Variants in HACD4 observed in about 807,000 individuals in gnomAD.
HACD4 encodes the protein very-long-chain (3R)-3-hydroxyacyl-CoA dehydratase 4.
A neutral mutation model predicts 33.3 loss-of-function variants in HACD4; 35 were observed. The ratio of observed to expected loss-of-function variants is 1.05; its 90% CI spans 0.80 to 1.39. The LOEUF (loss-of-function observed/expected upper bound fraction) is 1.39. HACD4 is among the 40% of genes most tolerant of loss of function. The pLI is 0.00. For missense variants in HACD4, 323 were observed against 276.5 expected (o/e 1.17, Z -1.19); for synonymous variants, 118 against 98.0 (o/e 1.20, Z -1.21).
Position 21,006,660 on chromosome 9 carries a change from A to G in HACD4, c.*377T>C. The G allele has an allele frequency of 4.2e-6, 1 of 239,586 alleles. No individual in the cohort carries two copies. Among genetic ancestry groups the G allele is most frequent in the Non-Finnish European group, 8.1e-6 (1 of 123,174 alleles). The allele number at this position is 239,586 out of a possible 1,614,324, so 14.8% of individuals were successfully genotyped here. ...AGATCTATTTGGGAACTTGGAAGTGAAAAAGAATACATGTAATTTAGGTTA... is the reference window on the plus strand; with the variant it reads ...AGATCTATTTGGGAACTTGGAAGTGGAAAAGAATACATGTAATTTAGGTTA... On this transcript the variant is annotated 3_prime_UTR_variant, in exon 7 of 7. Transcript: ENST00000495827. The surrounding 1 kb of genome is among the most constrained non-coding windows in gnomAD (Gnocchi z 4.6).
intron 3 of HACD4, among the ~76,000 whole-genome samples, chr9:21,016,495 T>C (rs1842558767): frequency 6.6e-6 from 1 of 152,192 alleles, no homozygotes; most frequent in African/African-American, 2.4e-5. Flanking sequence ...ACATGCTACA[T>C]TTCATTTCAT....
chr9:21,019,164 G>GCACTGT (rs1362218904), intron 3 of HACD4, among the ~76,000 whole-genome samples: 3 of 152,104 alleles, frequency 2.0e-5, no homozygotes, highest in East Asian at 3.9e-4. Flanking sequence ...ATTATTGAGT[G>GCACTGT]CACTGTTCTG....
chr9:21,026,749 G>C lies in HACD4; in HGVS notation c.143-26C>G, dbSNP rs776997470. 3 of 1,597,638 alleles carry C rather than the reference G, an allele frequency of 1.9e-6. No individual in the cohort carries two copies. In the African/African-American group the frequency reaches 4.0e-5, roughly 21 times the overall value. ...CTGTATCCCGTGGGTTAAAAATGCA[G>C]ATATAGGAAGAAAAAACTGGATTAT... is the stretch of plus-strand genomic sequence containing the variant. On this transcript the variant is annotated intron_variant, in intron 2 of 6. Coordinates refer to ENST00000495827, the MANE Select transcript of HACD4 (RefSeq NM_001010915.5).
chr9:21,005,793 C>G lies in HACD4; in HGVS notation c.*1244G>C, dbSNP rs1842255691. 2 of 152,266 alleles carry G rather than the reference C, an allele frequency of 1.3e-5. No homozygotes were observed. Among genetic ancestry groups the G allele is most frequent in the Admixed American group, 1.3e-4 (2 of 15,282 alleles). The allele number at this position is 152,266 out of a possible 1,614,324, so 9.4% of individuals were successfully genotyped here. A position where few individuals can be genotyped will look rare whatever the true frequency, so the allele number is the denominator to read the frequency against. On this transcript the variant is annotated 3_prime_UTR_variant, in exon 7 of 7. Transcript: ENST00000495827. The surrounding 1 kb of genome is among the most constrained non-coding windows in gnomAD (Gnocchi z 4.0). ...AGGCCAAAGAGGATTATTACTAAGACTGAAGATCTCATGGTGTTTGCCTTG... is the reference window on the plus strand; with the variant it reads ...AGGCCAAAGAGGATTATTACTAAGAGTGAAGATCTCATGGTGTTTGCCTTG...
Position 21,015,795 on chromosome 9 carries a change from T to C in HACD4, c.383+103A>G. 1.1e-5 allele frequency: 7 copies of C among 628,542 alleles called. No homozygotes were observed. In the South Asian group the frequency reaches 1.5e-4, roughly 13 times the overall value. 38.9% of individuals were successfully genotyped at this position (628,542 alleles called of 1,614,324 possible). A position where few individuals can be genotyped will look rare whatever the true frequency, so the allele number is the denominator to read the frequency against. On this transcript the variant is annotated intron_variant, in intron 4 of 6. Coordinates refer to ENST00000495827, the MANE Select transcript of HACD4 (RefSeq NM_001010915.5). Reference sequence around the variant, plus strand: ...GATAAAATAATTTGAAAAGGGGTTATGTTTTCCTCTCTCGTACCAAGTAAC... The same window carrying C: ...GATAAAATAATTTGAAAAGGGGTTACGTTTTCCTCTCTCGTACCAAGTAAC...
At chr9:21,023,737 G>C (rs145909788) in intron 3 of HACD4, among the ~76,000 whole-genome samples, 3,349 of 152,166 alleles carry the variant, frequency 0.022, 64 homozygotes, top group Non-Finnish European at 0.034. Flanking sequence ...ACCACGTCCA[G>C]CTAATTTTTT....
Position 21,011,593 on chromosome 9 carries a change from A to C in HACD4, c.486T>G (p.Ala162=). The C allele has an allele frequency of 6.3e-7, 1 of 1,584,940 alleles. No individual in the cohort carries two copies. The highest frequency in any genetic ancestry group is 1.3e-5 in the African/African-American group (1 of 74,458). ...AGCAAGTCACTCTTTTCTTACCTTC[A>C]GCAAGAACACACAAAGGATAAATTG... ...WMPIYPLCVL[A]EAFAIYQSLP... The change falls in exon 5 of 7, where the codon GCT becomes GCG. Residue 162 remains alanine, a synonymous_variant. Coordinates refer to ENST00000495827, the MANE Select transcript of HACD4 (RefSeq NM_001010915.5).
intron 5 of HACD4, among the ~76,000 whole-genome samples, chr9:21,011,062 G>A (rs1309049082): frequency 6.6e-6 from 1 of 152,068 alleles, no homozygotes; most frequent in African/African-American, 2.4e-5. Flanking sequence ...GGCCTAGTTT[G>A]GGGGCCCCTG....
At chr9:21,020,233 G>C (rs966308639) in intron 3 of HACD4, among the ~76,000 whole-genome samples, 1 of 151,768 alleles carries the variant, frequency 6.6e-6, no homozygotes, top group African/African-American at 2.4e-5. Flanking sequence ...TGTTTATTAT[G>C]ACACAGAGGG....
At chr9:21,011,762 T>C in intron 4 of HACD4, 67 bp from the exon 5 acceptor site, 1 of 769,128 alleles carries the variant, frequency 1.3e-6, no homozygotes, top group Non-Finnish European at 2.2e-6. Flanking sequence ...GAGAAACTAC[T>C]GTGTAATTAA....
intron 3 of HACD4, among the ~76,000 whole-genome samples, chr9:21,019,850 G>C (rs1302358818): frequency 8.0e-6 from 1 of 125,770 alleles, no homozygotes; most frequent in African/African-American, 2.8e-5. Flanking sequence ...AAATCTATGT[G>C]ATTTTAATGG....
Position 21,011,577 on chromosome 9 carries a change from C to A in HACD4, c.490+12G>T, listed in dbSNP as rs757430466. 1 of 1,527,362 alleles carries A rather than the reference C, an allele frequency of 6.5e-7. No individual in the cohort carries two copies. Among genetic ancestry groups the A allele is most frequent in the Admixed American group, 1.7e-5 (1 of 59,370 alleles). 94.6% of individuals were successfully genotyped at this position (1,527,362 alleles called of 1,614,324 possible). A position where few individuals can be genotyped will look rare whatever the true frequency, so the allele number is the denominator to read the frequency against. ...TGTCAGTAAGCAATACAGCAAGTCA[C>A]TCTTTTCTTACCTTCAGCAAGAACA... On this transcript the variant is annotated intron_variant, in intron 5 of 6. Transcript: ENST00000495827.
chr9:21,030,790 A>T (rs1049854322), intron 1 of HACD4, among the ~76,000 whole-genome samples: 3 of 152,218 alleles, frequency 2.0e-5, no homozygotes, highest in Admixed American at 6.5e-5. Context: ...AGCTGGGTTT[A>T]ACAATGTGTT....
At chr9:21,010,295 T>A (rs1842381094) in intron 5 of HACD4, among the ~76,000 whole-genome samples, 1 of 152,198 alleles carries the variant, frequency 6.6e-6, no homozygotes, top group Non-Finnish European at 1.5e-5. Context: ...CAAGCTCTGC[T>A]GACTGATGAT....
chr9:21,015,796 G>A (rs1372508146), intron 4 of HACD4, 102 bp downstream of exon 4: 5 of 636,088 alleles, frequency 7.9e-6, no homozygotes, highest in Non-Finnish European at 1.4e-5. Flanking sequence ...AAGGGGTTAT[G>A]TTTTCCTCTC....
At chr9:21,015,173 T>G (rs530479159) in intron 4 of HACD4, 1 of 152,338 alleles carries the variant, frequency 6.6e-6, no homozygotes, top group African/African-American at 2.4e-5. Flanking sequence ...GTTAAGTTAT[T>G]GACAATATAA....
chr9:21,002,239 G>A lies in HACD4; in HGVS notation c.*4798C>T, dbSNP rs1222376988. The A allele has an allele frequency of 6.6e-6, 1 of 151,978 alleles. No individual in the cohort carries two copies. The highest frequency in any genetic ancestry group is 1.5e-5 in the Non-Finnish European group (1 of 67,958). 9.4% of individuals were successfully genotyped at this position (151,978 alleles called of 1,614,324 possible). A position where few individuals can be genotyped will look rare whatever the true frequency, so the allele number is the denominator to read the frequency against. ...TACAGAATATACACAAAAGAACTGA[G>A]AAAGATACTTAAATGCTTCACTATA... is the stretch of plus-strand genomic sequence containing the variant. On this transcript the variant is annotated 3_prime_UTR_variant, in exon 7 of 7. Coordinates refer to ENST00000495827, the MANE Select transcript of HACD4 (RefSeq NM_001010915.5).
intron 2 of HACD4, among the ~76,000 whole-genome samples, chr9:21,027,090 C>T (rs969766703): frequency 1.3e-5 from 2 of 152,188 alleles, no homozygotes; most frequent in Non-Finnish European, 2.9e-5. Context: ...TTGTTAAGGA[C>T]ACTATGTGCT....
intron 2 of HACD4, among the ~76,000 whole-genome samples, chr9:21,027,452 T>A (rs897613892): frequency 6.6e-6 from 1 of 152,246 alleles, no homozygotes; most frequent in African/African-American, 2.4e-5. Flanking sequence ...GATTTTGCTC[T>A]CTTTACTGCC....
Sources: allele counts gnomAD v4.1 joint callset (sites outside exome capture counted in the v4.1 genomes callset), GRCh38; gene constraint gnomAD v4.1.1; non-coding constraint Gnocchi (gnomAD v3.1); transcripts MANE v1.5; gene names NCBI Gene and HGNC (gene_info 2026-07-23, HGNC 2026-07-21).